Variants in SLC24A3 observed in about 807,000 individuals in gnomAD.
SLC24A3 encodes sodium/potassium/calcium exchanger 3.
Under a neutral mutation model 75.8 loss-of-function variants are expected in SLC24A3, and 28 were observed. That is an observed-to-expected ratio of 0.37 (90% confidence interval 0.27 to 0.51). SLC24A3 has a LOEUF of 0.51. Among genes scored for constraint, SLC24A3 ranks in the 20% least tolerant of loss-of-function variants. The pLI, the probability that SLC24A3 is intolerant of heterozygous loss-of-function variation, is 0.94. For missense variants in SLC24A3, 663 were observed against 847.8 expected (o/e 0.78, Z 2.71); for synonymous variants, 372 against 334.1 (o/e 1.11, Z -1.24).
chr20:19,403,398 A>G (rs943406703), intron 2 of SLC24A3, among the ~76,000 whole-genome samples: 2 of 152,204 alleles, frequency 1.3e-5, no homozygotes, highest in Non-Finnish European at 1.5e-5. Flanking sequence ...ATTTTCTTTT[A>G]AAGAAATAGT....
chr20:19,383,926 G>A (rs1986226557), intron 2 of SLC24A3, among the ~76,000 whole-genome samples: 2 of 152,194 alleles, frequency 1.3e-5, no homozygotes, highest in Non-Finnish European at 2.9e-5. Flanking sequence ...TTGGGGATTA[G>A]CGATTCAATT....
intron 7 of SLC24A3, among the ~76,000 whole-genome samples, chr20:19,660,318 C>A (rs1162574012): frequency 6.6e-6 from 1 of 150,812 alleles, no homozygotes; most frequent in Admixed American, 6.6e-5. Context: ...TCTCCAAAGT[C>A]CATGCCACCA....
intron 1 of SLC24A3, among the ~76,000 whole-genome samples, chr20:19,223,161 G>C (rs745705026): frequency 1.0e-3 from 153 of 152,080 alleles, no homozygotes; most frequent in Non-Finnish European, 1.3e-3. Context: ...GTGAAGTGGC[G>C]CATGCCTGTA....
chr20:19,706,627 GAAAC>G (rs2032933387), intron 15 of SLC24A3, among the ~76,000 whole-genome samples: 1 of 152,066 alleles, frequency 6.6e-6, no homozygotes, highest in Admixed American at 6.6e-5. Flanking sequence ...TTGGGGAACT[GAAAC>G]AAAGTGGCAG....
intron 15 of SLC24A3, among the ~76,000 whole-genome samples, chr20:19,711,501 C>T (rs2032992523): frequency 6.6e-6 from 1 of 152,018 alleles, no homozygotes; most frequent in African/African-American, 2.4e-5. Flanking sequence ...AATGCACACA[C>T]GTGCATGCAA....
chr20:19,542,525 A>AT (rs2030518745), intron 3 of SLC24A3, among the ~76,000 whole-genome samples: 1 of 152,196 alleles, frequency 6.6e-6, no homozygotes, highest in Admixed American at 6.5e-5. Flanking sequence ...CAAGATGAAC[A>AT]TTAGAGTATC....
chr20:19,512,009 C>T (rs1335685172), intron 2 of SLC24A3, among the ~76,000 whole-genome samples: 10 of 152,338 alleles, frequency 6.6e-5, no homozygotes, highest in East Asian at 1.9e-4. Flanking sequence ...ACATTCAACT[C>T]GGTGAGGAGG....
intron 2 of SLC24A3, among the ~76,000 whole-genome samples, chr20:19,457,134 GGCCTGGGATGTAAA>G (rs532979512): frequency 9.1e-4 from 138 of 152,272 alleles, no homozygotes; most frequent in African/African-American, 3.3e-3. Context: ...ACTGACCTGT[GGCCTGGGATGTAAA>G]GGGAAACCCT....
chr20:19,528,510 A>T (rs1302538001), intron 3 of SLC24A3, among the ~76,000 whole-genome samples: 1 of 152,194 alleles, frequency 6.6e-6, no homozygotes, highest in African/African-American at 2.4e-5. Flanking sequence ...CCAAGCACAT[A>T]GGAAAATCAG....
At chr20:19,584,783 T>C (rs1315960582) in intron 4 of SLC24A3, among the ~76,000 whole-genome samples, 188 bp from the exon 5 acceptor site, 2 of 152,196 alleles carry the variant, frequency 1.3e-5, no homozygotes, top group Non-Finnish European at 2.9e-5. Flanking sequence ...TCGGCAGCAG[T>C]GGCTGCGCTC....
chr20:19,519,553 G>C, intron 3 of SLC24A3, among the ~76,000 whole-genome samples: 1 of 152,140 alleles, frequency 6.6e-6, no homozygotes, highest in East Asian at 1.9e-4. Context: ...CTTACTAGTG[G>C]GGAAATCCAT....
At chr20:19,309,432 G>A (rs1290542148) in intron 2 of SLC24A3, among the ~76,000 whole-genome samples, 2 of 152,212 alleles carry the variant, frequency 1.3e-5, no homozygotes, top group South Asian at 4.2e-4. Context: ...TGTGGTCCAG[G>A]GACCAGCCTG....
At chr20:19,699,398 C>T (rs1030348102) in intron 15 of SLC24A3, among the ~76,000 whole-genome samples, 3 of 152,192 alleles carry the variant, frequency 2.0e-5, no homozygotes, top group African/African-American at 7.2e-5. Context: ...TGCAGTCAGG[C>T]TCTTATGAAT....
intron 2 of SLC24A3, among the ~76,000 whole-genome samples, chr20:19,299,835 T>A (rs1665280663): frequency 6.6e-6 from 1 of 152,204 alleles, no homozygotes; most frequent in East Asian, 1.9e-4. Flanking sequence ...GGCAACTGGT[T>A]AATCCCTCAC....
intron 2 of SLC24A3, among the ~76,000 whole-genome samples, chr20:19,458,763 G>A (rs1182203082): frequency 6.6e-6 from 1 of 152,130 alleles, no homozygotes; most frequent in African/African-American, 2.4e-5. Flanking sequence ...ATTTTTCACA[G>A]TTGACTGAGC....
intron 2 of SLC24A3, among the ~76,000 whole-genome samples, chr20:19,468,330 A>G (rs1008268003): frequency 6.6e-6 from 1 of 152,102 alleles, no homozygotes; most frequent in African/African-American, 2.4e-5. Context: ...TTAATGTGGC[A>G]AGGATGGGGG....
At chr20:19,624,360 G>GCA (rs1168833133) in intron 6 of SLC24A3, among the ~76,000 whole-genome samples, 2 of 152,178 alleles carry the variant, frequency 1.3e-5, no homozygotes, top group Non-Finnish European at 2.9e-5. Context: ...GGAAGGAAAT[G>GCA]CACACATAGT....
chr20:19,514,657 G>A (rs1312766791), intron 2 of SLC24A3, among the ~76,000 whole-genome samples: 3 of 152,188 alleles, frequency 2.0e-5, no homozygotes, highest in African/African-American at 4.8e-5. Flanking sequence ...TGAGAACCTG[G>A]CCCAGAAGGT....
At chr20:19,708,007 C>T (rs776815416) in intron 15 of SLC24A3, among the ~76,000 whole-genome samples, 10 of 128,536 alleles carry the variant, frequency 7.8e-5, no homozygotes, top group Admixed American at 1.5e-4. Context: ...TAGAACATGT[C>T]GTGATGTTGG....
Sources: gnomAD v4.1 joint callset for allele counts (sites outside exome capture counted in the v4.1 genomes callset) on GRCh38, gnomAD v4.1.1 for gene constraint, MANE v1.5 for transcripts, NCBI Gene and HGNC (gene_info 2026-07-23, HGNC 2026-07-21) for gene names.